Variants in GOLIM4 observed in about 807,000 individuals in gnomAD.
GOLIM4 encodes 130 kDa golgi-localized phosphoprotein.
GOLIM4 carries 71 observed loss-of-function variants against 107.4 expected under a neutral mutation model. That is an observed-to-expected ratio of 0.66 (90% CI 0.55 to 0.81). The LOEUF is 0.81. Among genes scored for constraint, GOLIM4 ranks in the 30% least tolerant of loss-of-function variants. GOLIM4 has a pLI of 0.00. For missense variants in GOLIM4, 830 were observed against 826.1 expected (o/e 1.00, Z -0.06); for synonymous variants, 327 against 294.8 (o/e 1.11, Z -1.12).
At chr3:168,034,753 C>G (rs1323845178) in intron 8 of GOLIM4, among the ~76,000 whole-genome samples, 2 of 152,144 alleles carry the variant, frequency 1.3e-5, no homozygotes, top group Non-Finnish European at 2.9e-5. Flanking sequence ...GGGGTCAAGT[C>G]TTTCCCGTGC....
intron 1 of GOLIM4, among the ~76,000 whole-genome samples, chr3:168,076,867 A>C (rs1316702216): frequency 4.6e-5 from 7 of 152,250 alleles, no homozygotes; most frequent in Non-Finnish European, 8.8e-5. Flanking sequence ...CTTTATTTAC[A>C]TTCTATTACT....
Position 168,026,394 on chromosome 3 carries a change from G to GT in GOLIM4, c.1624-1300dup, listed in dbSNP as rs1428002240. On this transcript the variant is annotated intron_variant, in intron 12 of 15. Coordinates refer to ENST00000470487, the MANE Select transcript of GOLIM4 (RefSeq NM_014498.5). The stretch of plus-strand genomic sequence containing the variant: ...AATTGACTAGCTCAACTCCGACCAC[G>GT]TAACAGGTATGAATTAGCAGGCACA... Among the ~76,000 whole-genome samples, 5 of 152,250 alleles carry GT rather than the reference G, an allele frequency of 3.3e-5. 1 individual carries two copies. In the South Asian group the frequency reaches 8.3e-4, roughly 25 times the overall value.
chr3:168,039,236 A>C (rs1313813671), intron 7 of GOLIM4, among the ~76,000 whole-genome samples: 1 of 151,310 alleles, frequency 6.6e-6, no homozygotes, highest in Non-Finnish European at 1.5e-5. Context: ...TAAATAGAAA[A>C]TTATAACTAT....
At position 168,043,488 on chromosome 3, in the gene GOLIM4, T is replaced by TG; in HGVS notation, c.407_408insC (p.Glu136AspfsTer13). The TG allele has an allele frequency of 6.2e-7, 1 of 1,613,642 alleles. No homozygotes were observed. Among genetic ancestry groups the TG allele is most frequent in the Non-Finnish European group, 8.5e-7 (1 of 1,179,772 alleles). ...CTTCCCCTTGTTTGCGATGTTCCTC[T>TG]TCCAAGTCACTGTGCTGTTTCTTTA... On this transcript the variant is annotated frameshift_variant, in exon 5 of 16. Coordinates refer to ENST00000470487, the MANE Select transcript of GOLIM4 (RefSeq NM_014498.5). LOFTEE classifies it high-confidence loss of function.
At position 168,010,365 on chromosome 3, in the gene GOLIM4, G is replaced by A. The variant is rs1170885279; in HGVS notation, c.1995C>T (p.Arg665=). Residue 665 remains arginine (R), a synonymous_variant, in exon 16 of 16, where the codon CGC becomes CGT. Coordinates refer to ENST00000470487, the MANE Select transcript of GOLIM4 (RefSeq NM_014498.5). The part of the protein sequence containing the change: ...GEEQEVRDDN[R]PKGREEHYEE... ...CGTAGTGTTCCTCTCGGCCTTTGGG[G>A]CGGTTGTCATCTCGAACTTCTTGCT... 1.9e-6 allele frequency: 3 copies of A among 1,612,872 alleles called. No individual in the cohort carries two copies. The highest frequency in any genetic ancestry group is 2.5e-6 in the Non-Finnish European group (3 of 1,179,074).
chr3:168,053,740 C>T (rs62273309), intron 1 of GOLIM4, among the ~76,000 whole-genome samples: 25,467 of 152,126 alleles, frequency 0.17, 2,398 homozygotes, highest in Middle Eastern at 0.24. Flanking sequence ...GCCACCTGCC[C>T]ATCCCATTCC....
In GOLIM4 at chr3:168,095,120, A is replaced by C; in HGVS notation, c.166T>G (p.Ser56Ala). 1 of 1,602,530 alleles carries C rather than the reference A, an allele frequency of 6.2e-7. No homozygotes were observed. The change falls in exon 1 of 16, where the codon TCC becomes GCC. Residue 56 changes from serine (S) to alanine (A), a missense_variant. Ser to Ala is a moderately conservative substitution (Grantham distance 99). Coordinates refer to ENST00000470487, the MANE Select transcript of GOLIM4 (RefSeq NM_014498.5). Reference sequence around the variant, plus strand: ...GTACCTTGTAACTGGGCGGAGAGGGACTCCTGGTGCTGCTGGTACTTGAGC... The same window carrying C: ...GTACCTTGTAACTGGGCGGAGAGGGCCTCCTGGTGCTGCTGGTACTTGAGC... ...VALKYQQHQE[S>A]LSAQLQVVYE...
At chr3:168,068,719 T>C (rs1344150004) in intron 1 of GOLIM4, among the ~76,000 whole-genome samples, 1 of 152,030 alleles carries the variant, frequency 6.6e-6, no homozygotes, top group Non-Finnish European at 1.5e-5. Flanking sequence ...CCATTTGCCA[T>C]TGATTCTGTA....
chr3:168,051,341 T>A (rs1222496036), intron 1 of GOLIM4, among the ~76,000 whole-genome samples: 1 of 152,196 alleles, frequency 6.6e-6, no homozygotes, highest in African/African-American at 2.4e-5. Flanking sequence ...ATCATACAAC[T>A]GTCTTTGACA....
At chr3:168,011,061 C>A (rs759117404) in intron 14 of GOLIM4, among the ~76,000 whole-genome samples, 20 of 152,222 alleles carry the variant, frequency 1.3e-4, no homozygotes, top group Admixed American at 7.2e-4. Flanking sequence ...CGAATAGGAA[C>A]AGCTCCGGTC....
chr3:168,081,355 T>C lies in GOLIM4; in HGVS notation c.187+13744A>G, dbSNP rs563531867. On this transcript the variant is annotated intron_variant, in intron 1 of 15. Coordinates refer to ENST00000470487, the MANE Select transcript of GOLIM4 (RefSeq NM_014498.5). ...AAAGCTGCAGAGGTGAAGCAGAAAT[T>C]AGTAGCATGAGCAGCCATCAGCATC... Among the ~76,000 whole-genome samples, 78 of 152,172 alleles carry C rather than the reference T, an allele frequency of 5.1e-4. No homozygotes were observed. In the South Asian group the frequency reaches 0.016, roughly 30 times the overall value.
At position 168,040,804 on chromosome 3, in the gene GOLIM4, A is replaced by T. The variant is rs753254680; in HGVS notation, c.666T>A (p.Ser222Arg). 1.9e-6 allele frequency: 3 copies of T among 1,610,826 alleles called. No individual in the cohort carries two copies. The highest frequency in any genetic ancestry group is 2.5e-6 in the Non-Finnish European group (3 of 1,177,082). Reference protein sequence around the residue: ...QLVVTLEDHKSALAAAQTQVA... With the variant: ...QLVVTLEDHKRALAAAQTQVA... ...TTCTAACCTGTGCAGCAGCTAGTGC[A>T]CTCTTGTGGTCTTCCAAAGTCACTA... The change falls in exon 7 of 16, where the codon AGT becomes AGA. Residue 222 changes from serine to arginine, a missense_variant. Physicochemically the swap from Ser to Arg is moderately radical, Grantham distance 110. Transcript: ENST00000470487.
At chr3:168,079,405 A>G (rs938008581) in intron 1 of GOLIM4, among the ~76,000 whole-genome samples, 39 of 152,206 alleles carry the variant, frequency 2.6e-4, no homozygotes, top group African/African-American at 8.9e-4. Context: ...TGAGGTTGGA[A>G]GACAATTTTT....
intron 5 of GOLIM4, among the ~76,000 whole-genome samples, chr3:168,043,049 G>A (rs919161144): frequency 3.9e-5 from 6 of 152,178 alleles, no homozygotes; most frequent in South Asian, 2.1e-4. Context: ...AAGCATTATA[G>A]CATTTAGTAG....
intron 1 of GOLIM4, among the ~76,000 whole-genome samples, chr3:168,084,240 T>G (rs958379311): frequency 1.3e-5 from 2 of 152,188 alleles, no homozygotes; most frequent in Admixed American, 1.3e-4. Flanking sequence ...GCCATCATTG[T>G]AAGTTTCCTG....
intron 5 of GOLIM4, among the ~76,000 whole-genome samples, chr3:168,042,024 G>A (rs1181821543): frequency 6.6e-6 from 1 of 151,958 alleles, no homozygotes; most frequent in Non-Finnish European, 1.5e-5. Context: ...ATAGAGAAAT[G>A]TTGCAAAAAA....
At position 168,095,320 on chromosome 3, in the gene GOLIM4, G is replaced by C. The variant is rs372841963; in HGVS notation, c.-35C>G. ...TGGACCCAAAGCCGCGGCCGCCCCC[G>C]CCGTCTCCTCCCCTTGGTCCGAGCG... On this transcript the variant is annotated 5_prime_UTR_variant, in exon 1 of 16. Transcript: ENST00000470487. 1 of 1,586,132 alleles carries C rather than the reference G, an allele frequency of 6.3e-7. No homozygotes were observed. Among genetic ancestry groups the C allele is most frequent in the Admixed American group, 1.7e-5 (1 of 58,508 alleles).
At chr3:168,067,863 C>T (rs73037486) in intron 1 of GOLIM4, among the ~76,000 whole-genome samples, 2,276 of 151,738 alleles carry the variant, frequency 0.015, 59 homozygotes, top group African/African-American at 0.052. Flanking sequence ...GAACAACAAC[C>T]CTGTATTATC....
intron 1 of GOLIM4, among the ~76,000 whole-genome samples, chr3:168,049,349 T>C (rs536689718): frequency 7.9e-5 from 12 of 152,328 alleles, no homozygotes; most frequent in Non-Finnish European, 1.3e-4. Flanking sequence ...TTTTGAACTA[T>C]TTTTTGCTTT....
Sources: gnomAD v4.1 joint callset for allele counts (sites outside exome capture counted in the v4.1 genomes callset) on GRCh38, gnomAD v4.1.1 for gene constraint, MANE v1.5 for transcripts, NCBI Gene and HGNC (gene_info 2026-07-23, HGNC 2026-07-21) for gene names.